RNASEH2B: variants seen among roughly 807,000 people sequenced by gnomAD.
RNASEH2B encodes the protein Aicardi-Goutieres syndrome 2 protein.
A neutral mutation model predicts 45.0 loss-of-function variants in RNASEH2B; 36 were observed. That is an observed-to-expected ratio of 0.80 (90% CI 0.61 to 1.06). The LOEUF (loss-of-function observed/expected upper bound fraction) is 1.06, where lower values mean the gene tolerates loss of function less well. Among genes scored for constraint, RNASEH2B ranks in the 50% least tolerant of loss-of-function variants. The pLI, the probability that RNASEH2B is intolerant of heterozygous loss-of-function variation, is 0.00. For synonymous variants in RNASEH2B, 119 were observed against 125.7 expected, an observed-to-expected ratio of 0.95 and a Z score of 0.35; for missense variants, 361 against 360.3, an observed-to-expected ratio of 1.00 and a Z score of -0.02.
intron 4 of RNASEH2B, among the ~76,000 whole-genome samples, chr13:50,931,159 T>C (rs1021607135): frequency 3.3e-5 from 5 of 152,168 alleles, no homozygotes; most frequent in African/African-American, 1.2e-4. Context: ...GTGGAATAGG[T>C]AAACTGGAGC....
At chr13:50,944,012 GGATGGGACGGGACGGACGGGACGT>G (rs1450371231) in intron 6 of RNASEH2B, among the ~76,000 whole-genome samples, 8 of 151,178 alleles carry the variant, frequency 5.3e-5, no homozygotes, top group African/African-American at 1.7e-4. Flanking sequence ...GGACGGGATG[GGATGGGACGGGACGGACGGGACGT>G]GATGGGACGG....
chr13:50,946,411 A>T (rs1234957051), intron 7 of RNASEH2B, among the ~76,000 whole-genome samples: 1 of 152,210 alleles, frequency 6.6e-6, no homozygotes, highest in African/African-American at 2.4e-5. Context: ...TCTACCTTGC[A>T]TGTATAGGTA....
chr13:50,931,239 TACCTTTGGAATAGAAATAAAG>T (rs1456265358), intron 4 of RNASEH2B, among the ~76,000 whole-genome samples: 2 of 152,170 alleles, frequency 1.3e-5, no homozygotes, highest in Non-Finnish European at 2.9e-5. Flanking sequence ...GGATAAAATT[TACCTTTGGAATAGAAATAAAG>T]ACACAGCTTA....
chr13:50,917,486 A>G (rs1204900082), intron 1 of RNASEH2B, among the ~76,000 whole-genome samples: 1 of 152,204 alleles, frequency 6.6e-6, no homozygotes, highest in African/African-American at 2.4e-5. Context: ...AATTTTTAGG[A>G]AGCCCAGCTT....
intron 4 of RNASEH2B, among the ~76,000 whole-genome samples, chr13:50,931,416 ATTAT>A (rs546906368): frequency 5.8e-4 from 89 of 152,322 alleles, no homozygotes; most frequent in African/African-American, 2.1e-3. Flanking sequence ...AGATTTAAAA[ATTAT>A]TTATTTAAAA....
chr13:50,925,397 T>A (rs897816394), intron 1 of RNASEH2B, among the ~76,000 whole-genome samples: 4 of 152,234 alleles, frequency 2.6e-5, no homozygotes, highest in Non-Finnish European at 1.5e-5. Context: ...TTTGATTAGA[T>A]GGCAGACATT....
At chr13:50,913,358 G>T (rs1879541240) in intron 1 of RNASEH2B, among the ~76,000 whole-genome samples, 1 of 152,070 alleles carries the variant, frequency 6.6e-6, no homozygotes, top group African/African-American at 2.4e-5. Flanking sequence ...AAGTTGGGAT[G>T]TACCCAGGTG....
At chr13:50,926,318 G>A (rs1347817232) in intron 1 of RNASEH2B, among the ~76,000 whole-genome samples, 1 of 152,164 alleles carries the variant, frequency 6.6e-6, no homozygotes, top group Non-Finnish European at 1.5e-5. Context: ...AAAAATAAAA[G>A]AGAGTAAAAT....
At chr13:50,935,050 T>A in intron 5 of RNASEH2B, 51 bp downstream of exon 5, 1 of 1,200,814 alleles carries the variant, frequency 8.3e-7, no homozygotes, top group Non-Finnish European at 1.2e-6. Flanking sequence ...GGACCTTGCC[T>A]AAGAACGTGG....
At chr13:50,931,934 A>G (rs1410882039) in intron 4 of RNASEH2B, among the ~76,000 whole-genome samples, 2 of 148,646 alleles carry the variant, frequency 1.3e-5, no homozygotes, top group African/African-American at 2.5e-5. Flanking sequence ...CATATCTTCC[A>G]AATGTTGACA....
At chr13:50,924,715 CAT>C (rs1301278531) in intron 1 of RNASEH2B, among the ~76,000 whole-genome samples, 1 of 152,016 alleles carries the variant, frequency 6.6e-6, no homozygotes, top group Non-Finnish European at 1.5e-5. Context: ...CATGCCACCA[CAT>C]GTGTATTTTT....
downstream of RNASEH2B, among the ~76,000 whole-genome samples, chr13:50,957,678 A>G (rs1952069008): frequency 6.6e-6 from 1 of 151,972 alleles, no homozygotes; most frequent in South Asian, 2.1e-4. Context: ...TTCTTTGAGA[A>G]TTCTTCAAAC....
intron 9 of RNASEH2B, among the ~76,000 whole-genome samples, chr13:50,963,921 G>A (rs555460523): frequency 1.3e-5 from 2 of 152,202 alleles, no homozygotes; most frequent in South Asian, 4.1e-4. Flanking sequence ...GTCCCGGCCG[G>A]GTGCGTTGGC....
At chr13:50,945,866 A>G (rs1240965864) in intron 7 of RNASEH2B, among the ~76,000 whole-genome samples, 3 of 152,088 alleles carry the variant, frequency 2.0e-5, no homozygotes, top group Non-Finnish European at 4.4e-5. Context: ...ATCTCATCCA[A>G]CCCTCCCAGT....
At chr13:50,920,926 A>G (rs1218984842) in intron 1 of RNASEH2B, among the ~76,000 whole-genome samples, 1 of 152,152 alleles carries the variant, frequency 6.6e-6, no homozygotes, top group East Asian at 1.9e-4. Context: ...TTTAAACAAG[A>G]TACACTGGTT....
Position 50,934,938 on chromosome 13 carries a change from C to T in RNASEH2B, c.375C>T (p.Cys125=), listed in dbSNP as rs781310346. The part of the protein sequence containing the change: ...QVVVDNVFPN[C]ILLLKLPGLE... ...TGGTGGATAACGTGTTTCCAAATTG[C>T]ATCTTGTTGCTGAAACTTCCTGGAC... Residue 125 remains cysteine, a synonymous_variant, in exon 5 of 11, where the codon TGC becomes TGT. Transcript: ENST00000336617. 7 of 1,613,978 alleles carry T rather than the reference C, an allele frequency of 4.3e-6. No homozygotes were observed. Among genetic ancestry groups the T allele is most frequent in the Non-Finnish European group, 5.9e-6 (7 of 1,179,910 alleles).
chr13:50,968,597 C>T (rs17075030), intron 9 of RNASEH2B, among the ~76,000 whole-genome samples: 32,054 of 151,942 alleles, frequency 0.21, 3,799 homozygotes, highest in African/African-American at 0.32. Flanking sequence ...GACCATTTAG[C>T]CTTAAATAAT....
chr13:50,964,616 C>T (rs780928718), intron 9 of RNASEH2B, among the ~76,000 whole-genome samples: 3 of 152,116 alleles, frequency 2.0e-5, no homozygotes, highest in Non-Finnish European at 4.4e-5. Flanking sequence ...TGCACGGTGC[C>T]GAGCACACAG....
At chr13:50,924,882 T>C (rs777113032) in intron 1 of RNASEH2B, among the ~76,000 whole-genome samples, 1 of 152,298 alleles carries the variant, frequency 6.6e-6, no homozygotes, top group East Asian at 1.9e-4. Context: ...CAAAGTATTA[T>C]TGTGATGTAT....
Sources: gnomAD v4.1 joint callset for allele counts (sites outside exome capture counted in the v4.1 genomes callset) on GRCh38, gnomAD v4.1.1 for gene constraint, MANE v1.5 for transcripts, NCBI Gene and HGNC (gene_info 2026-07-23, HGNC 2026-07-21) for gene names.